GABRB3: variants seen among roughly 807,000 people sequenced by gnomAD.
GABRB3 encodes the protein gamma-aminobutyric acid type A receptor subunit beta3, also known as gamma-aminobutyric acid receptor subunit beta-3.
In GABRB3, 14 loss-of-function variants were observed where a neutral mutation model predicts 52.1. The observed-to-expected ratio is 0.27, with a 90% CI of 0.18 to 0.42. GABRB3 has a LOEUF of 0.42. GABRB3 is among the 10% of genes least tolerant of loss of function. The pLI is 1.00. For missense variants in GABRB3, 307 were observed against 609.1 expected, an observed-to-expected ratio of 0.50 and a Z score of 5.22; for synonymous variants, 260 against 232.3, an observed-to-expected ratio of 1.12 and a Z score of -1.08.
intron 3 of GABRB3, among the ~76,000 whole-genome samples, chr15:26,719,583 T>C (rs1889589671): frequency 6.6e-6 from 1 of 152,204 alleles, no homozygotes; most frequent in Admixed American, 6.5e-5. Flanking sequence ...AGATATTTAT[T>C]ATCATTCAAG....
intron 4 of GABRB3, among the ~76,000 whole-genome samples, chr15:26,620,542 G>C (rs1892444215): frequency 6.6e-6 from 1 of 152,178 alleles, no homozygotes; most frequent in South Asian, 2.1e-4. Flanking sequence ...GCACTTTTAG[G>C]CCAGGAGAGC....
intron 3 of GABRB3, among the ~76,000 whole-genome samples, chr15:26,762,547 A>G (rs60136667): frequency 0.02 from 3,104 of 152,312 alleles, 103 homozygotes; most frequent in African/African-American, 0.072. Flanking sequence ...CCAGTCAAAT[A>G]TATCTGGAAA....
At chr15:26,678,698 T>C (rs1428528826) in intron 3 of GABRB3, among the ~76,000 whole-genome samples, 1 of 152,090 alleles carries the variant, frequency 6.6e-6, no homozygotes, top group Non-Finnish European at 1.5e-5. Flanking sequence ...GAGGTGACCA[T>C]GGCTCTCAAC....
intron 3 of GABRB3, among the ~76,000 whole-genome samples, chr15:26,654,368 T>C (rs1436611841): frequency 1.3e-5 from 2 of 152,146 alleles, no homozygotes; most frequent in Non-Finnish European, 2.9e-5. Context: ...GGATGGTCTC[T>C]ATCTCCTGAC....
At chr15:26,764,513 T>A (rs765082340) in intron 3 of GABRB3, among the ~76,000 whole-genome samples, 2 of 152,000 alleles carry the variant, frequency 1.3e-5, no homozygotes, top group Non-Finnish European at 1.5e-5. Context: ...AAGAGATACA[T>A]TAGTTAACGT....
Position 26,632,327 on chromosome 15 carries a change from T to C in GABRB3, c.241-10793A>G, listed in dbSNP as rs573632682. On this transcript the variant is annotated intron_variant, in intron 3 of 8. Transcript: ENST00000311550. ...GGCAGAGTGTGCATTTATTCATCCA[T>C]CTAAATGCTAAATGTAGTCAGAAGA... 4.6e-5 allele frequency among the ~76,000 whole-genome samples: 7 copies of C among 152,328 alleles called. No individual in the cohort carries two copies. In the South Asian group the frequency reaches 6.2e-4, roughly 14 times the overall value.
upstream of GABRB3, chr15:26,773,641 T>C (rs1205492934): frequency 6.4e-7 from 1 of 1,558,896 alleles, no homozygotes; most frequent in Non-Finnish European, 8.7e-7. Context: ...AGCCCCCGCC[T>C]CACCTGCGGG....
intron 3 of GABRB3, among the ~76,000 whole-genome samples, chr15:26,710,719 T>C (rs1356856692): frequency 6.6e-6 from 1 of 152,216 alleles, no homozygotes; most frequent in East Asian, 1.9e-4. Context: ...TACTTAGTAT[T>C]GTCAATCTTC....
chr15:26,727,566 C>T (rs569911848), intron 3 of GABRB3, among the ~76,000 whole-genome samples: 148 of 152,270 alleles, frequency 9.7e-4, no homozygotes, highest in Non-Finnish European at 1.8e-3. Flanking sequence ...ACTTTCCCTA[C>T]CCCAGCCTTG....
chr15:26,704,554 G>T (rs1595540387), intron 3 of GABRB3, among the ~76,000 whole-genome samples: 1 of 152,062 alleles, frequency 6.6e-6, no homozygotes, highest in Non-Finnish European at 1.5e-5. Context: ...TCTCTACATT[G>T]TCCTTCCCTT....
chr15:26,773,060 CCG>C lies in GABRB3; in HGVS notation c.-100_-99del. The C allele has an allele frequency of 9.4e-6, 10 of 1,059,548 alleles. No homozygotes were observed. Among genetic ancestry groups the C allele is most frequent in the South Asian group, 4.4e-5 (1 of 22,788 alleles). The allele number at this position is 1,059,548 out of a possible 1,614,324, so 65.6% of individuals were successfully genotyped here. On this transcript the variant is annotated 5_prime_UTR_variant, in exon 1 of 9. Coordinates refer to ENST00000311550, the MANE Select transcript of GABRB3 (RefSeq NM_000814.6). ...GCTGCTGCCGCCGCCGCCGCCGCCG[CCG>C]CGCTGGCCCGGAGCGGAGGAGGGCG...
chr15:26,689,505 T>C (rs1239167388), intron 3 of GABRB3, among the ~76,000 whole-genome samples: 1 of 152,116 alleles, frequency 6.6e-6, no homozygotes, highest in Non-Finnish European at 1.5e-5. Flanking sequence ...GTCACGAATA[T>C]TTATGCAAGG....
chr15:26,766,627 T>C (rs976568937), intron 3 of GABRB3, among the ~76,000 whole-genome samples: 1 of 151,600 alleles, frequency 6.6e-6, no homozygotes, highest in Non-Finnish European at 1.5e-5. Flanking sequence ...TCCAAGGAAA[T>C]ATAAACAGAA....
intron 3 of GABRB3, among the ~76,000 whole-genome samples, chr15:26,659,629 A>G (rs918409851): frequency 6.6e-6 from 1 of 152,242 alleles, no homozygotes; most frequent in Non-Finnish European, 1.5e-5. Context: ...CTTGACTGAA[A>G]TATACCATTT....
chr15:26,606,776 A>ATATCTATCGATAGATATATCGATC, intron 4 of GABRB3, among the ~76,000 whole-genome samples: 1 of 118,304 alleles, frequency 8.5e-6, no homozygotes, highest in Non-Finnish European at 1.8e-5. Flanking sequence ...ATCTATAGAT[A>ATATCTATCGATAGATATATCGATC]GATAGATATA....
intron 3 of GABRB3, among the ~76,000 whole-genome samples, chr15:26,743,004 A>G (rs372424097): frequency 7.0e-6 from 1 of 142,664 alleles, no homozygotes; most frequent in Non-Finnish European, 1.5e-5. Context: ...ATCTCAGCAC[A>G]CTGCAACCTC....
chr15:26,629,224 G>C (rs1892835753), intron 3 of GABRB3: 1 of 1,414,596 alleles, frequency 7.1e-7, no homozygotes, highest in East Asian at 2.6e-5. Context: ...GGCGGGGCCT[G>C]GAAAGGAGGG....
intron 3 of GABRB3, among the ~76,000 whole-genome samples, chr15:26,664,887 A>C (rs1177743478): frequency 6.6e-6 from 1 of 151,652 alleles, no homozygotes; most frequent in Non-Finnish European, 1.5e-5. Flanking sequence ...TTTAGTACAG[A>C]CAGGGTTTCT....
intron 7 of GABRB3, among the ~76,000 whole-genome samples, chr15:26,565,126 C>T (rs149911247): frequency 6.6e-6 from 1 of 152,214 alleles, no homozygotes; most frequent in East Asian, 1.9e-4. Flanking sequence ...TGGCACCTAA[C>T]TATGTGATAA....
Sources: gnomAD v4.1 joint callset for allele counts (sites outside exome capture counted in the v4.1 genomes callset) on GRCh38, gnomAD v4.1.1 for gene constraint, MANE v1.5 for transcripts, NCBI Gene and HGNC (gene_info 2026-07-23, HGNC 2026-07-21) for gene names.